Variants in GDI2 observed in about 807,000 individuals in gnomAD.
The protein encoded by GDI2 is rab GDP dissociation inhibitor beta.
GDI2 carries 22 observed loss-of-function variants against 54.2 expected under a neutral mutation model. The ratio of observed to expected loss-of-function variants is 0.41; its 90% confidence interval spans 0.29 to 0.58. GDI2 has a LOEUF of 0.58. Among genes scored for constraint, GDI2 ranks in the 20% least tolerant of loss-of-function variants. GDI2 has a pLI of 0.35. For synonymous variants in GDI2, 177 were observed against 182.1 expected (o/e 0.97, Z 0.23); for missense variants, 422 against 546.0 (o/e 0.77, Z 2.26).
Position 5,776,267 on chromosome 10 carries a change from A to C in GDI2, c.720-2326T>G. 2.0e-6 allele frequency: 1 copy of C among 501,768 alleles called. No homozygotes were observed. The highest frequency in any genetic ancestry group is 4.0e-5 in the East Asian group (1 of 24,914). The allele number at this position is 501,768 out of a possible 1,614,324, so 31.1% of individuals were successfully genotyped here. ...CCTCCTCATCCAAGACAGGTGGAAA[A>C]GGGCCCAGCGTGAAAAGACTGAAAG... On this transcript the variant is annotated intron_variant, in intron 6 of 10. Transcript: ENST00000380191. This position sits in a 1 kb window ranked among gnomAD's most constrained non-coding sequence, Gnocchi z 5.3.
chr10:5,774,366 C>T lies in GDI2; in HGVS notation c.720-425G>A, dbSNP rs907797799. Among the ~76,000 whole-genome samples the T allele has an allele frequency of 6.6e-6, 1 of 152,144 alleles. No homozygotes were observed. Among genetic ancestry groups the T allele is most frequent in the African/African-American group, 2.4e-5 (1 of 41,422 alleles). On this transcript the variant is annotated intron_variant, in intron 6 of 10. Transcript: ENST00000380191. The surrounding 1 kb of genome is among the most constrained non-coding windows in gnomAD (Gnocchi z 4.8). ...AGACCCGTACGGATTCATCTCAGCA[C>T]GGTAACATATTTTGGTGCCTGTGAC... is the stretch of plus-strand genomic sequence containing the variant.
At chr10:5,811,770 C>A (rs984130604) in intron 1 of GDI2, 6 of 333,036 alleles carry the variant, frequency 1.8e-5, no homozygotes, top group Admixed American at 4.9e-5. Context: ...CTGGATTGGT[C>A]AAACATAACG....
intron 6 of GDI2, among the ~76,000 whole-genome samples, chr10:5,777,391 T>G (rs1366483203): frequency 6.6e-6 from 1 of 152,182 alleles, no homozygotes; most frequent in Non-Finnish European, 1.5e-5. Context: ...GAGAATCGCT[T>G]GAACCCAGGA....
intron 6 of GDI2, among the ~76,000 whole-genome samples, chr10:5,778,454 G>A (rs1461074134): frequency 2.0e-5 from 3 of 152,182 alleles, no homozygotes; most frequent in African/African-American, 7.2e-5. Context: ...AATAAGTTGT[G>A]TAAGAGACAC....
At chr10:5,769,204 T>C (rs895328730) in intron 7 of GDI2, 1 of 152,064 alleles carries the variant, frequency 6.6e-6, no homozygotes, top group African/African-American at 2.4e-5. Flanking sequence ...AGAGAAAATA[T>C]CTGCAAATAA....
At chr10:5,782,191 C>CA (rs1840772685) in intron 6 of GDI2, among the ~76,000 whole-genome samples, 1 of 152,060 alleles carries the variant, frequency 6.6e-6, no homozygotes, top group Admixed American at 6.6e-5. Context: ...AATCACAGCA[C>CA]AAAATTATAC....
chr10:5,791,881 A>C (rs896136589), intron 4 of GDI2, among the ~76,000 whole-genome samples: 27 of 152,004 alleles, frequency 1.8e-4, no homozygotes, highest in Non-Finnish European at 8.8e-5. Flanking sequence ...GTGCCACCGC[A>C]CTCTAGCCTG....
chr10:5,775,161 A>G (rs1046378442), intron 6 of GDI2, among the ~76,000 whole-genome samples: 2 of 152,132 alleles, frequency 1.3e-5, no homozygotes, highest in African/African-American at 4.8e-5. Context: ...GGTGGCACTC[A>G]TCTGTAGTCC....
chr10:5,801,772 A>G lies in GDI2; in HGVS notation c.46-1067T>C, dbSNP rs1841274623. Among the ~76,000 whole-genome samples the G allele has an allele frequency of 2.0e-5, 3 of 152,186 alleles. No individual in the cohort carries two copies. In the South Asian group the frequency reaches 6.2e-4, roughly 32 times the overall value. ...ACACCTGCAATCCCAGCACTTCGGGAGGCCGAGGTGGGTGTAATGCTTGAA... is the reference window on the plus strand; with the variant it reads ...ACACCTGCAATCCCAGCACTTCGGGGGGCCGAGGTGGGTGTAATGCTTGAA... On this transcript the variant is annotated intron_variant, in intron 1 of 10. Coordinates refer to ENST00000380191, the MANE Select transcript of GDI2 (RefSeq NM_001494.4).
chr10:5,796,873 G>A lies in GDI2; in HGVS notation c.154-11C>T. On this transcript the variant is annotated splice_polypyrimidine_tract_variant and intron_variant, in intron 2 of 10. Transcript: ENST00000380191. ...AAATCTTTTGTATAACTAAAAGCAA[G>A]GAAAAACATAGCCATAATGTTAACA... The A allele has an allele frequency of 7.8e-7, 1 of 1,279,460 alleles. No homozygotes were observed. The highest frequency in any genetic ancestry group is 1.1e-6 in the Non-Finnish European group (1 of 879,352). 79.3% of individuals were successfully genotyped at this position (1,279,460 alleles called of 1,614,324 possible).
rs978272895 is a variant in GDI2 at position 5,768,761 on chromosome 10, A to G, written c.820-377T>C. 2 of 164,108 alleles carry G rather than the reference A, an allele frequency of 1.2e-5. No homozygotes were observed. The highest frequency in any genetic ancestry group is 1.8e-4 in the South Asian group (1 of 5,618). The allele number at this position is 164,108 out of a possible 1,614,324, so 10.2% of individuals were successfully genotyped here. A position where few individuals can be genotyped will look rare whatever the true frequency, so the allele number is the denominator to read the frequency against. On this transcript the variant is annotated intron_variant, in intron 7 of 10. Transcript: ENST00000380191. The surrounding 1 kb of genome is among the most constrained non-coding windows in gnomAD (Gnocchi z 4.4). ...AGTCATTTCAACAAACCGTCCTGGG[A>G]AAACTATCCACATGCAAAAGAATGA...
intron 7 of GDI2, among the ~76,000 whole-genome samples, chr10:5,773,380 C>A (rs1380575788): frequency 6.6e-6 from 1 of 150,738 alleles, no homozygotes. Context: ...TTTTTTTTTT[C>A]AGTAGCATCC....
At chr10:5,767,070 A>C (rs1840357276) in intron 8 of GDI2, among the ~76,000 whole-genome samples, 1 of 152,182 alleles carries the variant, frequency 6.6e-6, no homozygotes. Context: ...AATCCACATA[A>C]ACCACTTTTG....
chr10:5,804,417 A>G (rs1412773886), intron 1 of GDI2, among the ~76,000 whole-genome samples: 1 of 152,092 alleles, frequency 6.6e-6, no homozygotes, highest in Non-Finnish European at 1.5e-5. Context: ...CTTTAGCTCA[A>G]GAAACAAAAC....
At chr10:5,808,755 G>A (rs899586032) in intron 1 of GDI2, among the ~76,000 whole-genome samples, 3 of 127,060 alleles carry the variant, frequency 2.4e-5, no homozygotes, top group African/African-American at 8.5e-5. Flanking sequence ...ACACAAATGT[G>A]ATCAGGAGTA....
chr10:5,778,176 T>C (rs1419942002), intron 6 of GDI2, among the ~76,000 whole-genome samples: 1 of 152,138 alleles, frequency 6.6e-6, no homozygotes, highest in Non-Finnish European at 1.5e-5. Flanking sequence ...AAGTACCTAA[T>C]GTAGATGATG....
chr10:5,766,734 A>G lies in GDI2; in HGVS notation c.992-96T>C. On this transcript the variant is annotated intron_variant, in intron 8 of 10. Coordinates refer to ENST00000380191, the MANE Select transcript of GDI2 (RefSeq NM_001494.4). The surrounding 1 kb of genome is among the most constrained non-coding windows in gnomAD (Gnocchi z 5.8). ...CCATATGTCATGAGGTGTGAGTTAAAATTACTCTCAATAGGCAAGATCTTC... is the reference window on the plus strand; with the variant it reads ...CCATATGTCATGAGGTGTGAGTTAAGATTACTCTCAATAGGCAAGATCTTC... 1.1e-6 allele frequency: 1 copy of G among 889,754 alleles called. No homozygotes were observed. Among genetic ancestry groups the G allele is most frequent in the Non-Finnish European group, 1.8e-6 (1 of 553,486 alleles). The allele number at this position is 889,754 out of a possible 1,614,324, so 55.1% of individuals were successfully genotyped here.
At chr10:5,783,049 A>G (rs776552378) in intron 6 of GDI2, among the ~76,000 whole-genome samples, 2 of 152,188 alleles carry the variant, frequency 1.3e-5, no homozygotes, top group Non-Finnish European at 2.9e-5. Context: ...AAACAAGCAA[A>G]AGTAATCTAT....
Position 5,765,457 on chromosome 10 carries a change from A to C in GDI2, c.*549T>G, listed in dbSNP as rs1840295546. The C allele has an allele frequency of 6.6e-6, 1 of 152,348 alleles. No homozygotes were observed. The highest frequency in any genetic ancestry group is 6.6e-5 in the Admixed American group (1 of 15,238). The allele number at this position is 152,348 out of a possible 1,614,324, so 9.4% of individuals were successfully genotyped here. ...ACCACATACAGGCTTTCTCCAAATG[A>C]CTCCCTATGTCTGGGGTTTGGTTAG... On this transcript the variant is annotated 3_prime_UTR_variant, in exon 11 of 11. Coordinates refer to ENST00000380191, the MANE Select transcript of GDI2 (RefSeq NM_001494.4).
Sources: allele counts gnomAD v4.1 joint callset (sites outside exome capture counted in the v4.1 genomes callset), GRCh38; gene constraint gnomAD v4.1.1; non-coding constraint Gnocchi (gnomAD v3.1); transcripts MANE v1.5; gene names NCBI Gene and HGNC (gene_info 2026-07-23, HGNC 2026-07-21).